VGLL3: variants seen among roughly 807,000 people sequenced by gnomAD.
VGLL3 encodes the protein transcription cofactor vestigial-like protein 3.
Under a neutral mutation model 29.2 loss-of-function variants are expected in VGLL3, and 18 were observed. The ratio of observed to expected loss-of-function variants is 0.62; its 90% CI spans 0.43 to 0.91. VGLL3 has a LOEUF of 0.91. VGLL3 is among the 40% of genes least tolerant of loss of function. The pLI is 0.00. For synonymous variants in VGLL3, 180 were observed against 151.8 expected (o/e 1.19, Z -1.36); for missense variants, 440 against 413.2 (o/e 1.06, Z -0.56).
At chr3:86,970,818 T>C (rs1231485556) in intron 2 of VGLL3, among the ~76,000 whole-genome samples, 2 of 152,202 alleles carry the variant, frequency 1.3e-5, no homozygotes, top group Non-Finnish European at 2.9e-5. Context: ...AGCCCAGCTC[T>C]GATCCTAGGT....
chr3:86,958,451 C>T (rs925678960), intron 3 of VGLL3, among the ~76,000 whole-genome samples: 1 of 152,170 alleles, frequency 6.6e-6, no homozygotes, highest in Non-Finnish European at 1.5e-5. Flanking sequence ...CAAGCACATC[C>T]TAAAACATAA....
At chr3:86,979,050 T>C (rs1705271092) in intron 1 of VGLL3, among the ~76,000 whole-genome samples, 1 of 152,200 alleles carries the variant, frequency 6.6e-6, no homozygotes. Context: ...CATTATCAAA[T>C]AGTATATTTT....
In VGLL3 at chr3:86,939,016, G is replaced by C. The variant is rs1359468528; in HGVS notation, c.*8008C>G. On this transcript the variant is annotated 3_prime_UTR_variant, in exon 4 of 4. Transcript: ENST00000398399. ...TGACCTGTTCTCCACCCCCTAGACTGCTCATCTTACATAAGTAACACATAA... is the reference window on the plus strand; with the variant it reads ...TGACCTGTTCTCCACCCCCTAGACTCCTCATCTTACATAAGTAACACATAA... 1 of 152,134 alleles carries C rather than the reference G, an allele frequency of 6.6e-6. No individual in the cohort carries two copies. Among genetic ancestry groups the C allele is most frequent in the Non-Finnish European group, 1.5e-5 (1 of 68,030 alleles). The allele number at this position is 152,134 out of a possible 1,614,324, so 9.4% of individuals were successfully genotyped here.
chr3:86,964,825 G>T (rs2107005079), intron 3 of VGLL3, among the ~76,000 whole-genome samples: 1 of 152,258 alleles, frequency 6.6e-6, no homozygotes, highest in Middle Eastern at 3.4e-3. Context: ...TATTATAACA[G>T]CTTGAAAGCA....
intron 1 of VGLL3, among the ~76,000 whole-genome samples, chr3:86,982,647 C>T (rs926205926): frequency 6.6e-6 from 1 of 152,116 alleles, no homozygotes; most frequent in African/African-American, 2.4e-5. Context: ...ACAATGTAAT[C>T]TAATTGGTAT....
At chr3:86,966,977 A>T (rs1704979240) in intron 3 of VGLL3, among the ~76,000 whole-genome samples, 1 of 151,652 alleles carries the variant, frequency 6.6e-6, no homozygotes. Context: ...AGGTGTGAGA[A>T]TGGCTTTTCA....
Position 86,978,805 on chromosome 3 carries a change from G to GGGAT in VGLL3, c.127-7_127-4dup, listed in dbSNP as rs767652987. On this transcript the variant is annotated splice_polypyrimidine_tract_variant and splice_region_variant and intron_variant, in intron 1 of 3. Coordinates refer to ENST00000398399, the MANE Select transcript of VGLL3 (RefSeq NM_016206.4). Reference sequence around the variant, plus strand: ...TTGCTGAATACCGCTAACTTCTTCTGGGATGGAATAAACAAAACACAGTAT... The same window carrying GGGAT: ...TTGCTGAATACCGCTAACTTCTTCTGGGATGGATGGAATAAACAAAACACAGTAT... The GGGAT allele has an allele frequency of 2.5e-6, 4 of 1,593,948 alleles. No individual in the cohort carries two copies. The Admixed American group carries it at 5.1e-5, about 20-fold the overall frequency.
chr3:86,988,640 CAAAAAAAAAAAAAAAAAAAAAAA>C (rs869098443), intron 1 of VGLL3, among the ~76,000 whole-genome samples: 20 of 13,760 alleles, frequency 1.5e-3, no homozygotes, highest in South Asian at 5.2e-3. Flanking sequence ...TTTACTTGAC[CAAAAAAAAAAAAAAAAAAAAAAA>C]AAAAAAAAAA....
chr3:86,965,808 A>G (rs926636590), intron 3 of VGLL3, among the ~76,000 whole-genome samples: 5 of 151,914 alleles, frequency 3.3e-5, no homozygotes, highest in Non-Finnish European at 7.4e-5. Flanking sequence ...GAACCATCTC[A>G]CTCCAGAGCT....
At chr3:86,969,627 T>C (rs1040836104) in intron 2 of VGLL3, among the ~76,000 whole-genome samples, 9 of 152,186 alleles carry the variant, frequency 5.9e-5, no homozygotes, top group South Asian at 2.1e-4. Flanking sequence ...CAATTACTTA[T>C]ACTCACTAAC....
At chr3:86,990,153 G>A (rs1285686960) in intron 1 of VGLL3, 1 of 206,794 alleles carries the variant, frequency 4.8e-6, no homozygotes, top group Non-Finnish European at 8.5e-6. Context: ...GTTCCCCCAT[G>A]AAAGTCCCAG....
chr3:86,966,089 G>A (rs940158803), intron 3 of VGLL3, among the ~76,000 whole-genome samples: 2 of 151,998 alleles, frequency 1.3e-5, no homozygotes, highest in African/African-American at 4.8e-5. Context: ...CTCTTTTTCG[G>A]GCCAGCCTCG....
chr3:86,991,084 A>G lies in VGLL3; in HGVS notation c.-341T>C. The G allele has an allele frequency of 3.0e-6, 1 of 334,072 alleles. No homozygotes were observed. Among genetic ancestry groups the G allele is most frequent in the Non-Finnish European group, 4.3e-6 (1 of 233,200 alleles). The allele number at this position is 334,072 out of a possible 1,614,324, so 20.7% of individuals were successfully genotyped here. ...GGGCTGCGGCGCCCACGGCAGCGCCAGTCACAGCCACAGCCCAGGCCCGGG... is the reference window on the plus strand; with the variant it reads ...GGGCTGCGGCGCCCACGGCAGCGCCGGTCACAGCCACAGCCCAGGCCCGGG... On this transcript the variant is annotated 5_prime_UTR_variant, in exon 1 of 4. Transcript: ENST00000398399.
At chr3:86,961,765 G>A (rs1463857965) in intron 3 of VGLL3, 1 of 239,864 alleles carries the variant, frequency 4.2e-6, no homozygotes, top group African/African-American at 2.3e-5. Flanking sequence ...GCAGCTTAAT[G>A]TAAGGTGAAA....
chr3:86,969,257 C>CTGTTTGGGGAG, intron 2 of VGLL3, 134 bp from the exon 3 acceptor site: 2 of 1,116,558 alleles, frequency 1.8e-6, no homozygotes, highest in African/African-American at 1.6e-5. Flanking sequence ...TTATTCTCCC[C>CTGTTTGGGGAG]AAACAGGGGT....
At position 86,990,667 on chromosome 3, in the gene VGLL3, G is replaced by A; in HGVS notation, c.77C>T (p.Thr26Ile). ...SQYLPNPMAA[T>I]TCPTAYYQPA... is the part of the protein sequence containing the mutation. ...CTGATAGTAGGCTGTGGGGCAGGTT[G>A]TCGCTGCCATGGGGTTGGGCAGATA... Residue 26 changes from threonine (T) to isoleucine (I), a missense_variant, in exon 1 of 4, where the codon ACA becomes ATA. Transcript: ENST00000398399. 7.1e-7 allele frequency: 1 copy of A among 1,406,330 alleles called. No homozygotes were observed. The highest frequency in any genetic ancestry group is 9.3e-7 in the Non-Finnish European group (1 of 1,076,414). 87.1% of individuals were successfully genotyped at this position (1,406,330 alleles called of 1,614,324 possible).
chr3:86,990,613 C>T lies in VGLL3; in HGVS notation c.126+5G>A. 1.5e-6 allele frequency: 2 copies of T among 1,348,870 alleles called. No homozygotes were observed. The highest frequency in any genetic ancestry group is 1.9e-6 in the Non-Finnish European group (2 of 1,041,160). 83.6% of individuals were successfully genotyped at this position (1,348,870 alleles called of 1,614,324 possible). A position where few individuals can be genotyped will look rare whatever the true frequency, so the allele number is the denominator to read the frequency against. On this transcript the variant is annotated splice_donor_5th_base_variant and intron_variant, in intron 1 of 3. Transcript: ENST00000398399. ...CCCCAGCAGGCTGCCCGTCCGGTGA[C>T]TCACCTGCTGGCCAGGTTGGGGCGC...
intron 3 of VGLL3, among the ~76,000 whole-genome samples, chr3:86,965,713 AC>A (rs1017934844): frequency 1.3e-5 from 2 of 152,046 alleles, no homozygotes; most frequent in Non-Finnish European, 2.9e-5. Context: ...ATGTCCCCTT[AC>A]CAGAGGCAGA....
At chr3:86,966,654 CACATA>C (rs1305625367) in intron 3 of VGLL3, among the ~76,000 whole-genome samples, 1 of 151,170 alleles carries the variant, frequency 6.6e-6, no homozygotes, top group Non-Finnish European at 1.5e-5. Context: ...TCAGCTTGGA[CACATA>C]ACAATGTAAT....
Sources: allele counts gnomAD v4.1 joint callset (sites outside exome capture counted in the v4.1 genomes callset), GRCh38; gene constraint gnomAD v4.1.1; transcripts MANE v1.5; gene names NCBI Gene and HGNC (gene_info 2026-07-23, HGNC 2026-07-21).